Variants in IGF1R observed in about 807,000 individuals in gnomAD.
IGF1R encodes insulin-like growth factor 1 receptor.
Under a neutral mutation model 144.6 loss-of-function variants are expected in IGF1R, and 44 were observed. That is an observed-to-expected ratio of 0.30 (90% CI 0.24 to 0.39). The LOEUF (loss-of-function observed/expected upper bound fraction) is 0.39, where lower values mean the gene tolerates loss of function less well. Among genes scored for constraint, IGF1R ranks in the 10% least tolerant of loss-of-function variants. IGF1R has a pLI of 1.00. For missense variants in IGF1R, 1,355 were observed against 1,833.7 expected (o/e 0.74, Z 4.77); for synonymous variants, 795 against 722.8 (o/e 1.10, Z -1.60).
chr15:98,776,372 G>A (rs1164988258), intron 2 of IGF1R, among the ~76,000 whole-genome samples: 1 of 152,020 alleles, frequency 6.6e-6, no homozygotes, highest in East Asian at 1.9e-4. Flanking sequence ...TGGTAGTGGA[G>A]ATGGGGTTTT....
At chr15:98,871,961 C>T (rs1490982471) in intron 2 of IGF1R, among the ~76,000 whole-genome samples, 1 of 152,134 alleles carries the variant, frequency 6.6e-6, no homozygotes, top group Non-Finnish European at 1.5e-5. Context: ...GCATGGGAAA[C>T]TTTTTTCCCT....
At chr15:98,703,601 C>A (rs985186082) in intron 1 of IGF1R, among the ~76,000 whole-genome samples, 1 of 152,112 alleles carries the variant, frequency 6.6e-6, no homozygotes, top group African/African-American at 2.4e-5. Context: ...TACTTTTTTT[C>A]TCTTTTCTTC....
rs2016077184 is a variant in IGF1R, at chr15:98,934,705, G to C, written c.2957-119G>C. The C allele has an allele frequency of 4.8e-6, 4 of 833,160 alleles. No homozygotes were observed. The Admixed American group carries it at 6.0e-5, about 12-fold the overall frequency. The allele number at this position is 833,160 out of a possible 1,614,324, so 51.6% of individuals were successfully genotyped here. On this transcript the variant is annotated intron_variant, in intron 15 of 20. Coordinates refer to ENST00000650285, the MANE Select transcript of IGF1R (RefSeq NM_000875.5). ...CATCAAGCCATGCCATCGCCTCCTG[G>C]TATTCTCTGTGGGTTTAAGGAAGCA...
chr15:98,822,645 T>G (rs1043402797), intron 2 of IGF1R, among the ~76,000 whole-genome samples: 1 of 152,242 alleles, frequency 6.6e-6, no homozygotes, highest in Admixed American at 6.5e-5. Flanking sequence ...CTTTTTCCTT[T>G]GAGCTGAACA....
chr15:98,923,130 T>G (rs2015560986), intron 11 of IGF1R, among the ~76,000 whole-genome samples: 1 of 152,198 alleles, frequency 6.6e-6, no homozygotes, highest in African/African-American at 2.4e-5. Flanking sequence ...TTAGCCCTCC[T>G]GGGAGAGACA....
intron 7 of IGF1R, among the ~76,000 whole-genome samples, chr15:98,911,814 A>G (rs927173871): frequency 1.3e-5 from 2 of 152,094 alleles, no homozygotes; most frequent in African/African-American, 4.8e-5. Context: ...CTCCTTACCT[A>G]CTAGGCCTAC....
chr15:98,820,620 A>G (rs1348239961), intron 2 of IGF1R, among the ~76,000 whole-genome samples: 5 of 152,198 alleles, frequency 3.3e-5, no homozygotes, highest in Non-Finnish European at 7.3e-5. Context: ...TGGTATAAAG[A>G]TACTTAAATA....
chr15:98,653,222 G>A (rs993136130), intron 1 of IGF1R, among the ~76,000 whole-genome samples: 1 of 152,150 alleles, frequency 6.6e-6, no homozygotes, highest in African/African-American at 2.4e-5. Context: ...ACAAATGCTG[G>A]TGGAGGGCAG....
At chr15:98,700,012 A>C (rs1159804434) in intron 1 of IGF1R, among the ~76,000 whole-genome samples, 1 of 152,240 alleles carries the variant, frequency 6.6e-6, no homozygotes, top group Non-Finnish European at 1.5e-5. Flanking sequence ...TGACACGTGA[A>C]GATAAAGGGC....
At chr15:98,734,618 T>C (rs1483227415) in intron 2 of IGF1R, 1 of 152,232 alleles carries the variant, frequency 6.6e-6, no homozygotes, top group East Asian at 1.9e-4. Flanking sequence ...ATGTGCTTGC[T>C]AAGTAAGTGT....
In IGF1R at chr15:98,957,525, A is replaced by C. The variant is rs2017054250; in HGVS notation, c.*83A>C. On this transcript the variant is annotated 3_prime_UTR_variant, in exon 21 of 21. Coordinates refer to ENST00000650285, the MANE Select transcript of IGF1R (RefSeq NM_000875.5). ...GGGGGAGAGAGAGTTTTAACAATCC[A>C]TTCACAAGCCTCCTGTACCTCAGTG... 8 of 1,569,758 alleles carry C rather than the reference A, an allele frequency of 5.1e-6. No individual in the cohort carries two copies. Among genetic ancestry groups the C allele is most frequent in the Non-Finnish European group, 7.0e-6 (8 of 1,146,324 alleles).
intron 2 of IGF1R, among the ~76,000 whole-genome samples, chr15:98,784,101 A>G (rs2055929212): frequency 6.7e-6 from 1 of 150,202 alleles, no homozygotes; most frequent in Non-Finnish European, 1.5e-5. Flanking sequence ...CAGCCTCCCA[A>G]GTAGCTGGGA....
intron 20 of IGF1R, among the ~76,000 whole-genome samples, chr15:98,952,218 C>CA (rs1277512126): frequency 6.6e-6 from 1 of 151,816 alleles, no homozygotes; most frequent in African/African-American, 2.4e-5. Flanking sequence ...ATGTGAGAGT[C>CA]AATCACGTGG....
At chr15:98,734,558 T>TTC (rs1830919251) in intron 2 of IGF1R, among the ~76,000 whole-genome samples, 1 of 152,228 alleles carries the variant, frequency 6.6e-6, no homozygotes, top group Admixed American at 6.5e-5. Flanking sequence ...CCTGTGTCAC[T>TTC]TCAGGCTTAG....
At chr15:98,955,720 G>A (rs1342708254) in intron 20 of IGF1R, among the ~76,000 whole-genome samples, 6 of 152,236 alleles carry the variant, frequency 3.9e-5, no homozygotes, top group Admixed American at 3.3e-4. Flanking sequence ...TCCAGGCCCA[G>A]TGGCTTCTCT....
chr15:98,881,772 T>C (rs2013395980), intron 2 of IGF1R, among the ~76,000 whole-genome samples: 1 of 152,208 alleles, frequency 6.6e-6, no homozygotes, highest in Non-Finnish European at 1.5e-5. Flanking sequence ...TGTGAACATT[T>C]GGTCATGTAC....
At chr15:98,781,281 G>A (rs1041315260) in intron 2 of IGF1R, among the ~76,000 whole-genome samples, 2 of 152,190 alleles carry the variant, frequency 1.3e-5, no homozygotes, top group African/African-American at 2.4e-5. Context: ...TGATTGTAGA[G>A]TTTGTCTTGA....
intron 20 of IGF1R, among the ~76,000 whole-genome samples, chr15:98,954,881 T>C (rs2016918150): frequency 6.6e-6 from 1 of 152,206 alleles, no homozygotes; most frequent in Non-Finnish European, 1.5e-5. Context: ...ACCACATCCC[T>C]GTGACATCTG....
At chr15:98,908,002 C>G (rs928838185) in intron 5 of IGF1R, among the ~76,000 whole-genome samples, 6 of 152,372 alleles carry the variant, frequency 3.9e-5, no homozygotes, top group Non-Finnish European at 7.3e-5. Context: ...CCTTTGCAAA[C>G]AAGCTTTGTG....
Sources: allele counts gnomAD v4.1 joint callset (sites outside exome capture counted in the v4.1 genomes callset), GRCh38; gene constraint gnomAD v4.1.1; transcripts MANE v1.5; gene names NCBI Gene and HGNC (gene_info 2026-07-23, HGNC 2026-07-21).